Variants in NAV3 observed in about 807,000 individuals in gnomAD.
The protein encoded by NAV3 is pore membrane and/or filament interacting like protein 1.
Under a neutral mutation model 244.7 loss-of-function variants are expected in NAV3, and 87 were observed. The ratio of observed to expected loss-of-function variants is 0.36; its 90% CI spans 0.30 to 0.42. NAV3 has a LOEUF of 0.42. Ranked by LOEUF, NAV3 falls within the 20% of genes least tolerant of loss-of-function variation. The probability of loss-of-function intolerance (pLI) is 1.00; values close to 1 mark genes in which losing one functional copy is unlikely to be tolerated. For missense variants in NAV3, 2,663 were observed against 2,893.3 expected (o/e 0.92, Z 1.83); for synonymous variants, 1,126 against 1,042.2 (o/e 1.08, Z -1.55).
rs1372374421 is a variant in NAV3 at position 78,190,108 on chromosome 12, T to C, written c.6180T>C (p.Thr2060=). The C allele has an allele frequency of 6.2e-7, 1 of 1,613,172 alleles. No homozygotes were observed. ...TTATACTCTCAGGACCGAGTGGTAC[T>C]GGAAAGACCTATTTGGCAAACAAAC... ...HRIILSGPSG[T]GKTYLANKLA... is the part of the protein sequence containing the mutation. The change falls in exon 34 of 40, where the codon ACT becomes ACC. Residue 2060 remains threonine, a synonymous_variant. Transcript: ENST00000397909.
intron 1 of NAV3, among the ~76,000 whole-genome samples, chr12:77,858,600 T>A (rs1407652574): frequency 6.6e-6 from 1 of 152,112 alleles, no homozygotes; most frequent in Non-Finnish European, 1.5e-5. Flanking sequence ...ATTGTGGTTT[T>A]TCACACTGTG....
chr12:78,090,696 A>T (rs927515719), intron 12 of NAV3, among the ~76,000 whole-genome samples: 3 of 152,160 alleles, frequency 2.0e-5, no homozygotes, highest in Non-Finnish European at 4.4e-5. Context: ...TTTTTCAGGA[A>T]CAAAAACTGT....
At chr12:77,817,202 A>G (rs1464153731) in intron 2 of NAV3, among the ~76,000 whole-genome samples, 1 of 152,236 alleles carries the variant, frequency 6.6e-6, no homozygotes, top group Non-Finnish European at 1.5e-5. Context: ...AATGGCATCA[A>G]TAAAATATAA....
intron 12 of NAV3, among the ~76,000 whole-genome samples, chr12:78,101,248 A>C (rs543050836): frequency 6.6e-6 from 1 of 152,312 alleles, no homozygotes; most frequent in Admixed American, 6.5e-5. Flanking sequence ...AACAACTCAG[A>C]ATGTACATAA....
At chr12:77,762,672 A>G (rs1156411004) in intron 2 of NAV3, among the ~76,000 whole-genome samples, 1 of 152,084 alleles carries the variant, frequency 6.6e-6, no homozygotes, top group African/African-American at 2.4e-5. Context: ...ATAAAGTTGT[A>G]TTTAGTCCAT....
chr12:77,875,302 TC>T (rs1881685777), intron 1 of NAV3, among the ~76,000 whole-genome samples: 2 of 152,048 alleles, frequency 1.3e-5, no homozygotes, highest in African/African-American at 4.8e-5. Context: ...ACAAGGGTCA[TC>T]CCTGTATATT....
chr12:77,988,838 C>T (rs1870983892), intron 5 of NAV3, among the ~76,000 whole-genome samples: 1 of 152,148 alleles, frequency 6.6e-6, no homozygotes. Context: ...TGTGCTTACT[C>T]ACCTGGTTTG....
chr12:77,678,812 C>T (rs1238203327), intron 2 of NAV3, among the ~76,000 whole-genome samples: 1 of 150,416 alleles, frequency 6.6e-6, no homozygotes, highest in Non-Finnish European at 1.5e-5. Flanking sequence ...GTAGAGAAAT[C>T]TAATCCCAGA....
At position 78,007,021 on chromosome 12, in the gene NAV3, G is replaced by A. The variant is rs770336478; in HGVS notation, c.1483G>A (p.Ala495Thr). The A allele has an allele frequency of 1.9e-6, 3 of 1,613,942 alleles. No homozygotes were observed. In the African/African-American group the frequency reaches 4.0e-5, roughly 22 times the overall value. ...KEEKDQVTEM[A>T]PKKTSKIASL... ...AGAGAAGGATCAGGTGACAGAGATG[G>A]CTCCAAAAAAGACCTCCAAAATTGC... The change falls in exon 8 of 40, where the codon GCT (alanine) becomes ACT (threonine). Residue 495 changes from alanine (A) to threonine (T), a missense_variant. Ala to Thr is a moderately conservative substitution (Grantham distance 58). This residue lies in a region of NAV3 where 1,521 missense variants were observed against 1,497.0 expected (regional missense o/e 1.02). Coordinates refer to ENST00000397909, the MANE Select transcript of NAV3 (RefSeq NM_001024383.2).
chr12:77,669,535 G>T (rs887266172), intron 2 of NAV3, among the ~76,000 whole-genome samples: 2 of 152,196 alleles, frequency 1.3e-5, no homozygotes, highest in Non-Finnish European at 1.5e-5. Flanking sequence ...GACACCAAAT[G>T]CAAGCAGGAA....
chr12:78,047,971 G>A (rs543857253), intron 9 of NAV3, among the ~76,000 whole-genome samples: 1 of 151,574 alleles, frequency 6.6e-6, no homozygotes, highest in African/African-American at 2.4e-5. Context: ...CTTCAATCTC[G>A]GATATCCTTC....
intron 3 of NAV3, among the ~76,000 whole-genome samples, chr12:77,948,815 TTG>T (rs1890608110): frequency 6.6e-6 from 1 of 151,696 alleles, no homozygotes; most frequent in Admixed American, 6.6e-5. Context: ...TCAATATGAA[TTG>T]TAATACTCCT....
chr12:77,899,360 T>A (rs558428951), intron 1 of NAV3, among the ~76,000 whole-genome samples: 1 of 152,282 alleles, frequency 6.6e-6, no homozygotes, highest in Non-Finnish European at 1.5e-5. Flanking sequence ...AATTTCACTG[T>A]CATCTTACTT....
chr12:78,036,515 A>C, intron 9 of NAV3: 1 of 189,026 alleles, frequency 5.3e-6, no homozygotes, highest in Non-Finnish European at 1.1e-5. Flanking sequence ...ACAGAGGGAA[A>C]TGTGGACCCA....
Position 78,114,531 on chromosome 12 carries a change from C to A in NAV3, c.2637-2241C>A, listed in dbSNP as rs536653397. ...ACATGGTGGCAGGGAGAAGAATGAG[C>A]AAAACGGGGGAAAAACCCTTATAAA... On this transcript the variant is annotated intron_variant, in intron 12 of 39. Transcript: ENST00000397909. Among the ~76,000 whole-genome samples the A allele has an allele frequency of 3.3e-5, 5 of 152,212 alleles. No homozygotes were observed. The South Asian group carries it at 1.0e-3, about 32-fold the overall frequency.
At chr12:77,595,696 T>A (rs1018994160) in intron 2 of NAV3, among the ~76,000 whole-genome samples, 10 of 152,198 alleles carry the variant, frequency 6.6e-5, no homozygotes, top group African/African-American at 2.4e-4. Flanking sequence ...CCAATTTTTA[T>A]CTTCTAGTCT....
chr12:78,209,405 A>G (rs1209739600), intron 39 of NAV3, among the ~76,000 whole-genome samples: 5 of 152,308 alleles, frequency 3.3e-5, no homozygotes, highest in Admixed American at 2.6e-4. Context: ...GCATTAGGTA[A>G]TATAAAAATT....
Position 77,820,866 on chromosome 12 carries a change from CTAAA to C in NAV3, c.73-119450_73-119447del, listed in dbSNP as rs537914675. On this transcript the variant is annotated intron_variant, in intron 2 of 8. Transcript: ENST00000550042. ...AGTGACTATATTTTATTTATACTTA[CTAAA>C]TATAGACCCAGCACTGAATAAATTA... 1.9e-4 allele frequency among the ~76,000 whole-genome samples: 29 copies of C among 152,196 alleles called. No individual in the cohort carries two copies. The East Asian group carries it at 5.6e-3, about 29-fold the overall frequency.
chr12:78,150,419 T>C (rs1325749728), intron 22 of NAV3, among the ~76,000 whole-genome samples: 1 of 152,098 alleles, frequency 6.6e-6, no homozygotes, highest in Non-Finnish European at 1.5e-5. Context: ...GAAGATGGGC[T>C]GATACTTTCC....
Sources: allele counts gnomAD v4.1 joint callset (sites outside exome capture counted in the v4.1 genomes callset), GRCh38; gene constraint gnomAD v4.1.1; regional missense constraint gnomAD v4.1.1; transcripts MANE v1.5; gene names NCBI Gene and HGNC (gene_info 2026-07-23, HGNC 2026-07-21).